Variants in NECAB1 observed in about 807,000 individuals in gnomAD.
NECAB1 encodes N-terminal EF-hand calcium-binding protein 1.
A neutral mutation model predicts 57.5 loss-of-function variants in NECAB1; 29 were observed. That is an observed-to-expected ratio of 0.50 (90% confidence interval 0.38 to 0.69). NECAB1 has a LOEUF of 0.69. Ranked by LOEUF, NECAB1 falls within the 30% of genes least tolerant of loss-of-function variation. The pLI, the probability that NECAB1 is intolerant of heterozygous loss-of-function variation, is 0.00. For synonymous variants in NECAB1, 142 were observed against 147.7 expected (o/e 0.96, Z 0.28); for missense variants, 372 against 413.8 (o/e 0.90, Z 0.88).
intron 3 of NECAB1, among the ~76,000 whole-genome samples, chr8:90,837,503 T>C (rs1313068035): frequency 6.6e-6 from 1 of 152,248 alleles, no homozygotes; most frequent in African/African-American, 2.4e-5. Context: ...TGTTTATTTC[T>C]AGGATTTTCC....
At chr8:90,827,883 G>A (rs1812249127) in intron 3 of NECAB1, among the ~76,000 whole-genome samples, 1 of 151,772 alleles carries the variant, frequency 6.6e-6, no homozygotes. Context: ...GACTTTAAAA[G>A]GTCATGTTTT....
chr8:90,849,406 C>A (rs1354716480), intron 3 of NECAB1, among the ~76,000 whole-genome samples: 1 of 150,760 alleles, frequency 6.6e-6, no homozygotes, highest in Non-Finnish European at 1.5e-5. Context: ...GAGTTCAGGA[C>A]AGCAATGAGC....
chr8:90,896,977 G>A (rs1264003971), intron 5 of NECAB1, among the ~76,000 whole-genome samples: 1 of 152,124 alleles, frequency 6.6e-6, no homozygotes, highest in African/African-American at 2.4e-5. Context: ...GGTGACGTGC[G>A]TCAGGGATAA....
intron 2 of NECAB1, among the ~76,000 whole-genome samples, chr8:90,809,432 T>G (rs1450218008): frequency 6.6e-6 from 1 of 152,200 alleles, no homozygotes; most frequent in Non-Finnish European, 1.5e-5. Context: ...CAGCAAAAAT[T>G]TCCATATTAG....
chr8:90,865,500 T>C (rs1808495794), intron 3 of NECAB1, among the ~76,000 whole-genome samples: 1 of 152,266 alleles, frequency 6.6e-6, no homozygotes, highest in South Asian at 2.1e-4. Context: ...CACTCAGGGT[T>C]CTAGGAATAA....
At chr8:90,871,803 T>C (rs968821403) in intron 3 of NECAB1, among the ~76,000 whole-genome samples, 16 of 152,134 alleles carry the variant, frequency 1.1e-4, no homozygotes, top group African/African-American at 3.4e-4. Flanking sequence ...CAGAGTCATA[T>C]AGAAGTTAAA....
intron 2 of NECAB1, among the ~76,000 whole-genome samples, chr8:90,819,804 C>G (rs967826601): frequency 6.6e-6 from 1 of 151,942 alleles, no homozygotes; most frequent in Admixed American, 6.6e-5. Context: ...TGCCCGTCCT[C>G]TCAGGTGGGA....
At chr8:90,835,587 C>A (rs911876557) in intron 3 of NECAB1, among the ~76,000 whole-genome samples, 10 of 152,150 alleles carry the variant, frequency 6.6e-5, no homozygotes, top group African/African-American at 2.4e-4. Flanking sequence ...TATTCACTAA[C>A]CTTTCCTTTT....
At chr8:90,807,194 C>A (rs1482816996) in intron 2 of NECAB1, among the ~76,000 whole-genome samples, 1 of 152,056 alleles carries the variant, frequency 6.6e-6, no homozygotes, top group African/African-American at 2.4e-5. Context: ...ACTAATACAC[C>A]TCCAGAAAAT....
chr8:90,892,937 C>A (rs1472725775), intron 5 of NECAB1, among the ~76,000 whole-genome samples: 1 of 152,164 alleles, frequency 6.6e-6, no homozygotes, highest in African/African-American at 2.4e-5. Flanking sequence ...TGGTACCCTC[C>A]CCATCTCTCT....
intron 3 of NECAB1, among the ~76,000 whole-genome samples, chr8:90,826,879 A>G (rs926458436): frequency 1.3e-5 from 2 of 151,948 alleles, no homozygotes; most frequent in Admixed American, 1.3e-4. Flanking sequence ...CAGTAAGTCT[A>G]AAGGAATAAT....
chr8:90,946,386 G>A (rs1413008545), intron 10 of NECAB1, among the ~76,000 whole-genome samples: 1 of 152,166 alleles, frequency 6.6e-6, no homozygotes, highest in Non-Finnish European at 1.5e-5. Flanking sequence ...TGATGACCAT[G>A]GACAAGACAT....
intron 2 of NECAB1, among the ~76,000 whole-genome samples, chr8:90,802,457 GT>G (rs762647538): frequency 1.3e-5 from 2 of 152,086 alleles, no homozygotes; most frequent in Non-Finnish European, 2.9e-5. Context: ...TTTTTGTTTT[GT>G]TTTGTTTTTC....
intron 9 of NECAB1, among the ~76,000 whole-genome samples, chr8:90,939,830 A>G (rs1210476927): frequency 6.6e-6 from 1 of 152,192 alleles, no homozygotes; most frequent in Non-Finnish European, 1.5e-5. Flanking sequence ...GAAATGAGAA[A>G]CCCATTGGAA....
At chr8:90,924,943 C>A (rs1395051754) in intron 6 of NECAB1, among the ~76,000 whole-genome samples, 2 of 151,390 alleles carry the variant, frequency 1.3e-5, no homozygotes, top group Non-Finnish European at 2.9e-5. Context: ...ATAACATATA[C>A]TGTATATAGT....
intron 3 of NECAB1, among the ~76,000 whole-genome samples, chr8:90,863,732 T>C (rs758019529): frequency 2.6e-5 from 4 of 152,160 alleles, no homozygotes; most frequent in Admixed American, 6.6e-5. Context: ...TTCTTTTTTT[T>C]AGTTAAAATT....
chr8:90,894,695 G>T (rs548855148), intron 5 of NECAB1, among the ~76,000 whole-genome samples: 2 of 152,234 alleles, frequency 1.3e-5, no homozygotes, highest in African/African-American at 4.8e-5. Context: ...TAAACATGTG[G>T]CTTGGTGCTT....
chr8:90,826,595 C>G (rs1172535411), intron 3 of NECAB1, among the ~76,000 whole-genome samples: 1 of 151,814 alleles, frequency 6.6e-6, no homozygotes, highest in Non-Finnish European at 1.5e-5. Flanking sequence ...TTATTTCTTC[C>G]TCGTTACAAT....
intron 5 of NECAB1, among the ~76,000 whole-genome samples, chr8:90,895,318 T>TCC (rs1809298183): frequency 1.3e-5 from 2 of 151,844 alleles, no homozygotes; most frequent in Admixed American, 6.6e-5. Context: ...TATAAATAAC[T>TCC]CCAGGAGCAG....
Sources: allele counts gnomAD v4.1 joint callset (sites outside exome capture counted in the v4.1 genomes callset), GRCh38; gene constraint gnomAD v4.1.1; transcripts MANE v1.5; gene names NCBI Gene and HGNC (gene_info 2026-07-23, HGNC 2026-07-21).